The following CCNP variants were observed in gnomAD, a reference collection of about 807,000 sequenced individuals.
CCNP encodes cyclin P.
Under a neutral mutation model 19.6 loss-of-function variants are expected in CCNP, and 18 were observed. The observed-to-expected ratio is 0.92, with a 90% CI of 0.64 to 1.36. CCNP has a LOEUF of 1.36. Among genes scored for constraint, CCNP ranks in the 40% most tolerant of loss-of-function variants. CCNP has a pLI of 0.00. For missense variants in CCNP, 440 were observed against 424.4 expected (o/e 1.04, Z -0.32); for synonymous variants, 228 against 194.9 (o/e 1.17, Z -1.41).
At position 40,222,511 on chromosome 19, in the gene CCNP, G is replaced by T. The variant is rs1256515499; in HGVS notation, c.*541C>A. ...ATGGAGAAACTGAGGCAGGGCAAGT[G>T]GTTGGAGATGACCCATCCTTGGAAC... On this transcript the variant is annotated 3_prime_UTR_variant, in exon 5 of 5. Transcript: ENST00000430325. The T allele has an allele frequency of 7.5e-6, 3 of 398,728 alleles. No individual in the cohort carries two copies. The highest frequency in any genetic ancestry group is 1.3e-5 in the Non-Finnish European group (3 of 226,204). The allele number at this position is 398,728 out of a possible 1,614,324, so 24.7% of individuals were successfully genotyped here.
intron 3 of CCNP, 45 bp from the exon 4 acceptor site, chr19:40,223,591 G>A: frequency 6.2e-7 from 1 of 1,601,550 alleles, no homozygotes; most frequent in Non-Finnish European, 8.5e-7. Context: ...TCTTGGATCC[G>A]GGCTCTTTAC....
At position 40,223,055 on chromosome 19, in the gene CCNP, A is replaced by G. The variant is rs750722092; in HGVS notation, c.921T>C (p.Tyr307=). 26 of 1,523,794 alleles carry G rather than the reference A, an allele frequency of 1.7e-5. No individual in the cohort carries two copies. Among genetic ancestry groups the G allele is most frequent in the Non-Finnish European group, 1.9e-5 (21 of 1,124,946 alleles). The allele number at this position is 1,523,794 out of a possible 1,614,324, so 94.4% of individuals were successfully genotyped here. The change falls in exon 5 of 5, where the codon TAT becomes TAC. Residue 307 remains tyrosine, a synonymous_variant. Coordinates refer to ENST00000430325, the MANE Select transcript of CCNP (RefSeq NM_024877.4). ...AAGTCTAGGTGCCACCTCCTCCTCA[A>G]TAATTGTCTCTCATTCTCCGAGACC... The part of the protein sequence containing the change: ...FLRSRRMRDN[Y]
At chr19:40,226,265 C>T in intron 1 of CCNP, 110 bp downstream of exon 1, 1 of 936,354 alleles carries the variant, frequency 1.1e-6, no homozygotes, top group East Asian at 2.6e-5. Flanking sequence ...CGCCGGCTGC[C>T]AGTGATAGGG....
chr19:40,224,406 G>T, intron 3 of CCNP, 82 bp downstream of exon 3: 2 of 1,486,534 alleles, frequency 1.3e-6, no homozygotes, highest in Non-Finnish European at 1.9e-6. Flanking sequence ...GACTCAGCAC[G>T]GTGCTTGGCA....
chr19:40,224,429 T>C lies in CCNP; in HGVS notation c.513+59A>G. 2 of 1,579,794 alleles carry C rather than the reference T, an allele frequency of 1.3e-6. 1 individual carries two copies. ...ACGGTGCTTGGCACACAGTAGTCACTGAATCAGTTACTCCCCAAAGGACTC... is the reference window on the plus strand; with the variant it reads ...ACGGTGCTTGGCACACAGTAGTCACCGAATCAGTTACTCCCCAAAGGACTC... On this transcript the variant is annotated intron_variant, in intron 3 of 4. Coordinates refer to ENST00000430325, the MANE Select transcript of CCNP (RefSeq NM_024877.4).
In CCNP at chr19:40,222,954, G is replaced by A. The variant is rs1973469951; in HGVS notation, c.*98C>T. On this transcript the variant is annotated 3_prime_UTR_variant, in exon 5 of 5. Coordinates refer to ENST00000430325, the MANE Select transcript of CCNP (RefSeq NM_024877.4). ...GGCCTGGGAGACTATCTTCCACTCT[G>A]GGGCAAGGTTAAGAGACCCCAGATC... is the stretch of plus-strand genomic sequence containing the variant. 2.9e-6 allele frequency: 2 copies of A among 691,962 alleles called. No homozygotes were observed. The highest frequency in any genetic ancestry group is 1.8e-5 in the African/African-American group (1 of 54,208). 42.9% of individuals were successfully genotyped at this position (691,962 alleles called of 1,614,324 possible). A position where few individuals can be genotyped will look rare whatever the true frequency, so the allele number is the denominator to read the frequency against.
chr19:40,223,365 C>T, intron 4 of CCNP, 23 bp downstream of exon 4: 4 of 1,494,544 alleles, frequency 2.7e-6, no homozygotes. Flanking sequence ...ACGCCCCCAC[C>T]CCGCGTATTC....
At chr19:40,226,243 G>T in intron 1 of CCNP, 132 bp downstream of exon 1, 1 of 759,366 alleles carries the variant, frequency 1.3e-6, no homozygotes, top group Non-Finnish European at 2.1e-6. Context: ...CCTGGACGTT[G>T]CAGGGAAGGA....
At position 40,226,488 on chromosome 19, in the gene CCNP, G is replaced by A; in HGVS notation, c.154C>T (p.Pro52Ser). ...GCCAGGCGTCTTGGGGAGACAGTGGGGCCCGCGGGGAAGCCGTCGGGGACT... is the reference window on the plus strand; with the variant it reads ...GCCAGGCGTCTTGGGGAGACAGTGGAGCCCGCGGGGAAGCCGTCGGGGACT... The part of the protein sequence containing the change: ...AAVPDGFPAG[P>S]TVSPRRLARP... The change falls in exon 1 of 5, where the codon CCC (proline) becomes TCC (serine). Residue 52 changes from proline to serine, a missense_variant. Transcript: ENST00000430325. The A allele has an allele frequency of 6.2e-7, 1 of 1,603,616 alleles. No individual in the cohort carries two copies. The highest frequency in any genetic ancestry group is 8.5e-7 in the Non-Finnish European group (1 of 1,176,380).
chr19:40,225,944 C>T (rs1380356333), intron 1 of CCNP, among the ~76,000 whole-genome samples: 1 of 152,200 alleles, frequency 6.6e-6, no homozygotes, highest in Non-Finnish European at 1.5e-5. Context: ...CGCAGCAACC[C>T]TCTCATAGGG....
Position 40,222,391 on chromosome 19 carries a change from G to C in CCNP, c.*661C>G. On this transcript the variant is annotated 3_prime_UTR_variant, in exon 5 of 5. Transcript: ENST00000430325. ...GGCGCTGGGGCCGCGCATACTTGAG[G>C]AAGACTGCGGCGCGACCCGGCGCGG... The C allele has an allele frequency of 2.5e-6, 1 of 398,852 alleles. No homozygotes were observed. The highest frequency in any genetic ancestry group is 4.4e-6 in the Non-Finnish European group (1 of 225,954). The allele number at this position is 398,852 out of a possible 1,614,324, so 24.7% of individuals were successfully genotyped here.
chr19:40,225,056 A>T (rs1599928445), intron 1 of CCNP: 2 of 462,796 alleles, frequency 4.3e-6, no homozygotes, highest in Admixed American at 9.1e-5. Flanking sequence ...AGGTTCCCAG[A>T]CTTCACTTTT....
Position 40,222,901 on chromosome 19 carries a change from C to A in CCNP, c.*151G>T, listed in dbSNP as rs977065113. On this transcript the variant is annotated 3_prime_UTR_variant, in exon 5 of 5. Transcript: ENST00000430325. ...GGCCTGGGTGATCCTTCGTTCTCAGCCCTGGAAGGCAATAGGAGCATCTTC... is the reference window on the plus strand; with the variant it reads ...GGCCTGGGTGATCCTTCGTTCTCAGACCTGGAAGGCAATAGGAGCATCTTC... 7.8e-5 allele frequency: 45 copies of A among 575,114 alleles called. No individual in the cohort carries two copies. Among genetic ancestry groups the A allele is most frequent in the Non-Finnish European group, 1.3e-4 (41 of 320,730 alleles). The allele number at this position is 575,114 out of a possible 1,614,324, so 35.6% of individuals were successfully genotyped here.
intron 1 of CCNP, 50 bp from the exon 2 acceptor site, chr19:40,224,861 T>G: frequency 6.8e-7 from 1 of 1,478,572 alleles, no homozygotes. Context: ...GCCTCTGCCT[T>G]TCTCCTGAGC....
intron 3 of CCNP, 29 bp downstream of exon 3, chr19:40,224,459 C>T (rs1973507816): frequency 1.2e-6 from 2 of 1,610,174 alleles, no homozygotes; most frequent in East Asian, 4.5e-5. Context: ...GGACTCCATC[C>T]ACCCTCCCAA....
chr19:40,226,361 G>A lies in CCNP; in HGVS notation c.267+14C>T. The A allele has an allele frequency of 6.2e-7, 1 of 1,603,046 alleles. No individual in the cohort carries two copies. Among genetic ancestry groups the A allele is most frequent in the Non-Finnish European group, 8.5e-7 (1 of 1,178,732 alleles). Reference sequence around the variant, plus strand: ...GGCGTCGCCCTCACCAGGGCAGGCGGCGGGTAGGCTCACCATGACTTCGGC... The same window carrying A: ...GGCGTCGCCCTCACCAGGGCAGGCGACGGGTAGGCTCACCATGACTTCGGC... On this transcript the variant is annotated intron_variant, in intron 1 of 4. Coordinates refer to ENST00000430325, the MANE Select transcript of CCNP (RefSeq NM_024877.4).
At chr19:40,226,334 C>T (rs1258725944) in intron 1 of CCNP, 41 bp downstream of exon 1, 2 of 1,573,482 alleles carry the variant, frequency 1.3e-6, no homozygotes, top group Non-Finnish European at 1.7e-6. Flanking sequence ...GGGCGGTGGG[C>T]CGGCGTCGCC....
Position 40,223,520 on chromosome 19 carries a change from C to T in CCNP, c.540G>A (p.Ala180=), listed in dbSNP as rs1205577991. 1.2e-6 allele frequency: 2 copies of T among 1,604,600 alleles called. No homozygotes were observed. The highest frequency in any genetic ancestry group is 1.3e-5 in the African/African-American group (1 of 74,784). Residue 180 remains alanine (A), a synonymous_variant, in exon 4 of 5, where the codon GCG becomes GCA. Transcript: ENST00000430325. ...GCAGCTCCGCCCGTGAGAAGGAGTC[C>T]GCGCTCAGGAGGCAGAGGAAGGCGG... ...PEPAFLCLLS[A]DSFSRAELLR...
Position 40,224,778 on chromosome 19 carries a change from G to C in CCNP, c.301C>G (p.Arg101Gly). ...CRVLPLRALPRAVTPEMRALV... is the reference protein window; with the variant it reads ...CRVLPLRALPGAVTPEMRALV... ...GCGCGCATCTCCGGGGTCACAGCGC[G>C]GGGCAGGGCTCTCAGGGGCAGCACG... Residue 101 changes from arginine (R) to glycine (G), a missense_variant, in exon 2 of 5, where the codon CGC becomes GGC. Transcript: ENST00000430325. The C allele has an allele frequency of 6.4e-7, 1 of 1,556,644 alleles. No individual in the cohort carries two copies. Among genetic ancestry groups the C allele is most frequent in the Non-Finnish European group, 8.7e-7 (1 of 1,149,930 alleles).
Sources: gnomAD v4.1 joint callset for allele counts (sites outside exome capture counted in the v4.1 genomes callset) on GRCh38, gnomAD v4.1.1 for gene constraint, MANE v1.5 for transcripts, NCBI Gene and HGNC (gene_info 2026-07-23, HGNC 2026-07-21) for gene names.